Variants in MICALL2 observed in about 807,000 individuals in gnomAD.
MICALL2 encodes MICAL like 2, also known as MICAL-like protein 2.
MICALL2 carries 111 observed loss-of-function variants against 91.1 expected under a neutral mutation model. The observed-to-expected ratio is 1.22, with a 90% CI of 1.04 to 1.43. MICALL2 has a LOEUF of 1.43. MICALL2 is among the 40% of genes most tolerant of loss of function. The pLI is 0.00. For missense variants in MICALL2, 1,556 were observed against 1,236.0 expected, an observed-to-expected ratio of 1.26 and a Z score of -3.88; for synonymous variants, 694 against 525.3, an observed-to-expected ratio of 1.32 and a Z score of -4.39.
intron 7 of MICALL2, chr7:1,441,339 C>G (rs1405814246): frequency 6.5e-6 from 1 of 154,108 alleles, no homozygotes; most frequent in Non-Finnish European, 1.4e-5. Flanking sequence ...CACTGCGTAG[C>G]CTGGCCATCC....
In MICALL2 at chr7:1,447,575, A is replaced by G. The variant is rs761015902; in HGVS notation, c.525T>C (p.Thr175=). ...NEGAGGPPPK[T]DQALAGSLVS... The stretch of plus-strand genomic sequence containing the variant: ...GGGGGAGGGTGGGGTGGGAGCTTAC[A>G]GTCTTGGGGGGCGGGCCCCCTGCAC... Residue 175 remains threonine, a splice_region_variant and synonymous_variant, in exon 4 of 17, where the codon ACT becomes ACC. Transcript: ENST00000297508. The G allele has an allele frequency of 2.0e-6, 3 of 1,530,690 alleles. No individual in the cohort carries two copies. The highest frequency in any genetic ancestry group is 2.6e-6 in the Non-Finnish European group (3 of 1,133,572). The allele number at this position is 1,530,690 out of a possible 1,614,324, so 94.8% of individuals were successfully genotyped here.
rs372954819 is a variant in MICALL2, at chr7:1,448,754, C to A, written c.200G>T (p.Arg67Leu). Residue 67 changes from arginine to leucine, a missense_variant, in exon 3 of 17, where the codon CGC (arginine) becomes CTC (leucine). Physicochemically the swap from Arg to Leu is moderately radical, Grantham distance 102. Transcript: ENST00000297508. The part of the protein sequence containing the change: ...NIYENNKLAF[R>L]VAEEHLGIPA... Reference sequence around the variant, plus strand: ...GATGCCCAAGTGCTCCTCGGCCACGCGGAAGGCCTGCGAAAGGTGGGAGGG... The same window carrying A: ...GATGCCCAAGTGCTCCTCGGCCACGAGGAAGGCCTGCGAAAGGTGGGAGGG... 14 of 1,612,594 alleles carry A rather than the reference C, an allele frequency of 8.7e-6. No homozygotes were observed. Among genetic ancestry groups the A allele is most frequent in the Non-Finnish European group, 1.1e-5 (13 of 1,179,874 alleles).
chr7:1,450,544 C>A (rs1032936395), intron 1 of MICALL2: 3 of 462,886 alleles, frequency 6.5e-6, no homozygotes, highest in African/African-American at 4.0e-5. Context: ...ACAGGCCGCC[C>A]CTCACCAGTG....
chr7:1,440,316 C>G (rs59904195), intron 8 of MICALL2: 47,245 of 631,334 alleles, frequency 0.075, 2,066 homozygotes, highest in Middle Eastern at 0.13. Flanking sequence ...CCGGGCCCCA[C>G]GGGACCCACA....
Position 1,459,382 on chromosome 7 carries a change from G to T in MICALL2, c.-56C>A, listed in dbSNP as rs1459441911. The T allele has an allele frequency of 7.3e-7, 1 of 1,375,940 alleles. No individual in the cohort carries two copies. The highest frequency in any genetic ancestry group is 9.4e-7 in the Non-Finnish European group (1 of 1,065,198). 85.2% of individuals were successfully genotyped at this position (1,375,940 alleles called of 1,614,324 possible). ...CGCCCTCCGACACCTTCCCGCGGCT[G>T]TGCCGCGACCGCCCGGCCGGCGGGA... On this transcript the variant is annotated 5_prime_UTR_variant, in exon 1 of 17. Coordinates refer to ENST00000297508, the MANE Select transcript of MICALL2 (RefSeq NM_182924.4).
chr7:1,436,915 C>T, intron 14 of MICALL2, 59 bp from the exon 15 acceptor site: 1 of 1,276,322 alleles, frequency 7.8e-7, no homozygotes, highest in Non-Finnish European at 1.1e-6. Flanking sequence ...CCTCACAGGA[C>T]ACAATGTCCC....
chr7:1,447,476 G>C, intron 4 of MICALL2, 99 bp downstream of exon 4: 1 of 721,238 alleles, frequency 1.4e-6, no homozygotes, highest in East Asian at 2.9e-5. Flanking sequence ...CCCACTCTGG[G>C]TCCCGTGGCT....
rs369534389 is a variant in MICALL2, at chr7:1,448,746, C to T, written c.208G>A (p.Glu70Lys). ...AAGGCTGGGATGCCCAAGTGCTCCT[C>T]GGCCACGCGGAAGGCCTGCGAAAGG... The part of the protein sequence containing the change: ...ENNKLAFRVA[E>K]EHLGIPALLD... The change falls in exon 3 of 17, where the codon GAG (glutamate) becomes AAG (lysine). Residue 70 changes from glutamate (E) to lysine (K), a missense_variant. Physicochemically the swap from Glu to Lys is moderately conservative, Grantham distance 56 (BLOSUM62 1). Transcript: ENST00000297508. 1.4e-5 allele frequency: 22 copies of T among 1,612,538 alleles called. No individual in the cohort carries two copies. The Admixed American group carries it at 2.8e-4, about 21-fold the overall frequency.
intron 1 of MICALL2, among the ~76,000 whole-genome samples, chr7:1,457,662 C>T (rs755636140): frequency 2.6e-5 from 4 of 152,220 alleles, no homozygotes; most frequent in African/African-American, 7.2e-5. Flanking sequence ...CCCACAGGCA[C>T]GTCTGAGCCG....
In MICALL2 at chr7:1,459,185, T is replaced by A. The variant is rs752803653; in HGVS notation, c.142A>T (p.Ile48Leu). The A allele has an allele frequency of 6.2e-7, 1 of 1,608,788 alleles. No individual in the cohort carries two copies. The highest frequency in any genetic ancestry group is 8.5e-7 in the Non-Finnish European group (1 of 1,177,980). The change falls in exon 1 of 17, where the codon ATA becomes TTA. Residue 48 changes from isoleucine (I) to leucine (L), a missense_variant and splice_region_variant. By Grantham distance (5) the Ile-to-Leu change is conservative. Transcript: ENST00000297508. ...CAAAGGGCGCCAGGCAGGACTTACA[T>A]GAGGTCGGGCCGGTGGCGGTGCAGG... ...AILHRHRPDL[I>L]NFSALKKENI...
At chr7:1,456,154 C>T (rs1461757888) in intron 1 of MICALL2, among the ~76,000 whole-genome samples, 5 of 151,924 alleles carry the variant, frequency 3.3e-5, no homozygotes, top group Non-Finnish European at 5.9e-5. Flanking sequence ...GGCGCGGCGG[C>T]TCACATCTGT....
chr7:1,437,377 G>GTTA (rs1562445857), intron 14 of MICALL2, 158 bp downstream of exon 14: 38 of 636,426 alleles, frequency 6.0e-5, no homozygotes, highest in African/African-American at 4.6e-4. Context: ...ACACAGCCAG[G>GTTA]AGGTGGGAGA....
rs113808721 is a variant in MICALL2 at position 1,456,996 on chromosome 7, G to A, written c.143+2188C>T. ...AGGAATTTGTTTTCTCACGGCTCTG[G>A]AGGCCGGACTCCGACATCAAGGTGT... On this transcript the variant is annotated intron_variant, in intron 1 of 16. Coordinates refer to ENST00000297508, the MANE Select transcript of MICALL2 (RefSeq NM_182924.4). Among the ~76,000 whole-genome samples the A allele has an allele frequency of 5.7e-3, 861 of 152,268 alleles. 9 individuals carry two copies. The highest frequency in any genetic ancestry group is 0.02 in the African/African-American group (822 of 41,546).
intron 14 of MICALL2, chr7:1,437,262 T>G (rs1010867004): frequency 2.0e-6 from 1 of 512,530 alleles, no homozygotes; most frequent in Non-Finnish European, 3.4e-6. Context: ...GCGAATTGAT[T>G]CGTTTAATCC....
chr7:1,442,438 C>T lies in MICALL2; in HGVS notation c.1465G>A (p.Glu489Lys). Residue 489 changes from glutamate (E) to lysine (K), a missense_variant, in exon 7 of 17, where the codon GAA becomes AAA. Glu to Lys is a moderately conservative substitution (Grantham distance 56). Coordinates refer to ENST00000297508, the MANE Select transcript of MICALL2 (RefSeq NM_182924.4). ...GCTAAGGGACTTGCTTGTGGTGCTT[C>T]AGTTTTGGGCTGAGAACTGGGAACA... The part of the protein sequence containing the change: ...AAVPSSQPKT[E>K]APQASPLAKP... The T allele has an allele frequency of 6.4e-7, 1 of 1,556,290 alleles. No individual in the cohort carries two copies. The highest frequency in any genetic ancestry group is 2.3e-5 in the East Asian group (1 of 44,274).
At chr7:1,439,744 C>T in intron 9 of MICALL2, 181 bp downstream of exon 9, 1 of 464,198 alleles carries the variant, frequency 2.2e-6, no homozygotes, top group East Asian at 3.5e-5. Flanking sequence ...TGCACACATG[C>T]ATCACACACA....
At chr7:1,454,749 G>A (rs1780953899) in intron 1 of MICALL2, among the ~76,000 whole-genome samples, 1 of 152,140 alleles carries the variant, frequency 6.6e-6, no homozygotes, top group Non-Finnish European at 1.5e-5. Flanking sequence ...CAGGAAGTGA[G>A]GGCACTGCCT....
At position 1,438,323 on chromosome 7, in the gene MICALL2, G is replaced by C; in HGVS notation, c.2153C>G (p.Ala718Gly). 1.2e-6 allele frequency: 2 copies of C among 1,604,978 alleles called. No homozygotes were observed. Among genetic ancestry groups the C allele is most frequent in the Non-Finnish European group, 8.5e-7 (1 of 1,176,842 alleles). ...GRPLSPANVP[A>G]LPGETVTSPV... ...GGAGGTCACCGTCTCGCCAGGCAGA[G>C]CAGGGACATTGGCCGGGGACAAGGG... The change falls in exon 11 of 17, where the codon GCT (alanine) becomes GGT (glycine). Residue 718 changes from alanine to glycine, a missense_variant. Ala to Gly is a moderately conservative substitution (Grantham distance 60). Coordinates refer to ENST00000297508, the MANE Select transcript of MICALL2 (RefSeq NM_182924.4).
intron 6 of MICALL2, 27 bp from the exon 7 acceptor site, chr7:1,442,511 C>T: frequency 2.6e-6 from 4 of 1,514,702 alleles, no homozygotes; most frequent in South Asian, 1.3e-5. Context: ...AGGCATCAGG[C>T]ACAGCTGGAT....
Sources: gnomAD v4.1 joint callset for allele counts (sites outside exome capture counted in the v4.1 genomes callset) on GRCh38, gnomAD v4.1.1 for gene constraint, MANE v1.5 for transcripts, NCBI Gene and HGNC (gene_info 2026-07-23, HGNC 2026-07-21) for gene names.